Variants in CADM2 observed in about 807,000 individuals in gnomAD.
The protein encoded by CADM2 is cell adhesion molecule 2, also known as immunoglobulin superfamily member 4D.
A neutral mutation model predicts 49.8 loss-of-function variants in CADM2; 12 were observed. The ratio of observed to expected loss-of-function variants is 0.24; its 90% CI spans 0.15 to 0.39. The LOEUF (loss-of-function observed/expected upper bound fraction) is 0.39. Among genes scored for constraint, CADM2 ranks in the 10% least tolerant of loss-of-function variants. CADM2 has a pLI of 1.00. For missense variants in CADM2, 378 were observed against 492.3 expected (o/e 0.77, Z 2.20); for synonymous variants, 214 against 175.4 (o/e 1.22, Z -1.74).
chr3:86,015,519 A>G (rs1037335433), intron 8 of CADM2, among the ~76,000 whole-genome samples: 13 of 152,198 alleles, frequency 8.5e-5, no homozygotes, highest in African/African-American at 3.1e-4. Context: ...AGTGACACCC[A>G]CAGTTGACCT....
At chr3:85,418,831 TA>T (rs2036028779) in intron 1 of CADM2, among the ~76,000 whole-genome samples, 1 of 152,196 alleles carries the variant, frequency 6.6e-6, no homozygotes, top group Non-Finnish European at 1.5e-5. Context: ...TCTTTTCTGA[TA>T]ATTTAGAAGT....
intron 3 of CADM2, among the ~76,000 whole-genome samples, chr3:85,822,086 G>C (rs576610549): frequency 6.3e-4 from 96 of 152,256 alleles, no homozygotes; most frequent in African/African-American, 2.3e-3. Context: ...TGTGGCACAT[G>C]CTTGGTTGTG....
At chr3:85,178,799 C>T (rs1392087884) in intron 1 of CADM2, among the ~76,000 whole-genome samples, 1 of 151,420 alleles carries the variant, frequency 6.6e-6, no homozygotes, top group Non-Finnish European at 1.5e-5. Context: ...CTACTTAAAC[C>T]TCAGGTTTAA....
chr3:85,755,240 C>G (rs911170108), intron 2 of CADM2, among the ~76,000 whole-genome samples: 2 of 152,166 alleles, frequency 1.3e-5, no homozygotes, highest in Non-Finnish European at 2.9e-5. Context: ...AGCCTTTCCT[C>G]TCCTCCCCCT....
At chr3:85,874,559 T>C (rs191136101) in intron 3 of CADM2, among the ~76,000 whole-genome samples, 1 of 151,998 alleles carries the variant, frequency 6.6e-6, no homozygotes, top group African/African-American at 2.4e-5. Context: ...CATATGTCTA[T>C]GAGGAGACCA....
chr3:85,850,665 A>G (rs544942153), intron 3 of CADM2, among the ~76,000 whole-genome samples: 6 of 151,962 alleles, frequency 3.9e-5, no homozygotes, highest in East Asian at 1.9e-4. Context: ...CTCTTTGTGG[A>G]TTGGAGTATT....
chr3:85,028,810 C>T (rs2107317450), intron 1 of CADM2, among the ~76,000 whole-genome samples: 1 of 152,006 alleles, frequency 6.6e-6, no homozygotes, highest in African/African-American at 2.4e-5. Flanking sequence ...ATCCTCCTAT[C>T]ACTAATTTCC....
At chr3:85,037,221 G>A (rs1221449204) in intron 1 of CADM2, among the ~76,000 whole-genome samples, 1 of 152,168 alleles carries the variant, frequency 6.6e-6, no homozygotes, top group Admixed American at 6.5e-5. Context: ...TGTCATTGTA[G>A]TGTTGGCTGT....
At chr3:85,768,754 T>C (rs893884386) in intron 2 of CADM2, among the ~76,000 whole-genome samples, 19 of 136,888 alleles carry the variant, frequency 1.4e-4, no homozygotes, top group Non-Finnish European at 2.4e-4. Context: ...CATATATACA[T>C]ATATAGTATA....
intron 1 of CADM2, among the ~76,000 whole-genome samples, chr3:85,608,498 A>T (rs2063595426): frequency 6.6e-6 from 1 of 152,152 alleles, no homozygotes; most frequent in Non-Finnish European, 1.5e-5. Flanking sequence ...TTGAAACTCC[A>T]GTGGTGATAA....
At chr3:85,685,387 A>AT (rs747628983) in intron 1 of CADM2, among the ~76,000 whole-genome samples, 3 of 152,028 alleles carry the variant, frequency 2.0e-5, no homozygotes, top group Non-Finnish European at 4.4e-5. Flanking sequence ...AGAACTAGCT[A>AT]TTTTTTTGGA....
intron 8 of CADM2, among the ~76,000 whole-genome samples, chr3:86,033,995 C>A (rs978661946): frequency 6.6e-6 from 1 of 151,596 alleles, no homozygotes; most frequent in African/African-American, 2.4e-5. Flanking sequence ...CTGCGTATAG[C>A]ACTATTCTAG....
chr3:85,558,173 T>C (rs1449371), intron 1 of CADM2, among the ~76,000 whole-genome samples: 77,753 of 151,752 alleles, frequency 0.51, 23,004 homozygotes, highest in East Asian at 0.85. Flanking sequence ...TCCACAGACT[T>C]ATACATAGAA....
chr3:85,264,714 A>G (rs371187755), intron 1 of CADM2, among the ~76,000 whole-genome samples: 2 of 152,146 alleles, frequency 1.3e-5, no homozygotes, highest in African/African-American at 4.8e-5. Context: ...ATAATCATAT[A>G]TAACTATGGA....
chr3:85,906,113 T>C lies in CADM2; in HGVS notation c.530-6260T>C, dbSNP rs369890665. Among the ~76,000 whole-genome samples the C allele has an allele frequency of 1.8e-4, 27 of 152,316 alleles. No homozygotes were observed. In the East Asian group the frequency reaches 4.8e-3, roughly 27 times the overall value. On this transcript the variant is annotated intron_variant, in intron 5 of 9. Transcript: ENST00000383699. ...TAGATATTTTTATTTCCTTAAAGTTTATTCTACTGAATAGACTTAAAATAA... is the reference window on the plus strand; with the variant it reads ...TAGATATTTTTATTTCCTTAAAGTTCATTCTACTGAATAGACTTAAAATAA...
At chr3:85,875,531 C>A (rs1711706219) in intron 3 of CADM2, among the ~76,000 whole-genome samples, 1 of 152,058 alleles carries the variant, frequency 6.6e-6, no homozygotes, top group Admixed American at 6.6e-5. Context: ...GGGTACAGAT[C>A]TAAGTAGTAG....
chr3:85,360,231 T>C (rs2032258334), intron 1 of CADM2, among the ~76,000 whole-genome samples: 1 of 152,154 alleles, frequency 6.6e-6, no homozygotes, highest in Non-Finnish European at 1.5e-5. Context: ...AGCTTATATG[T>C]ATTTCTCACA....
chr3:85,944,822 G>A (rs1006072434), intron 7 of CADM2, among the ~76,000 whole-genome samples: 1 of 152,008 alleles, frequency 6.6e-6, no homozygotes, highest in African/African-American at 2.4e-5. Flanking sequence ...ACAAGACAAA[G>A]TAGGAAAGAT....
chr3:86,033,171 C>A (rs545442965), intron 8 of CADM2, among the ~76,000 whole-genome samples: 1 of 151,816 alleles, frequency 6.6e-6, no homozygotes, highest in Non-Finnish European at 1.5e-5. Context: ...GAAGACAGAC[C>A]TACACACCAC....
Sources: gnomAD v4.1 joint callset for allele counts (sites outside exome capture counted in the v4.1 genomes callset) on GRCh38, gnomAD v4.1.1 for gene constraint, MANE v1.5 for transcripts, NCBI Gene and HGNC (gene_info 2026-07-23, HGNC 2026-07-21) for gene names.